ANK3: variants seen among roughly 807,000 people sequenced by gnomAD.
ANK3 encodes the protein ankyrin 3, also known as ankyrin-3.
In ANK3, 57 loss-of-function variants were observed where a neutral mutation model predicts 370.9. That is an observed-to-expected ratio of 0.15 (90% CI 0.12 to 0.19). ANK3 has a LOEUF of 0.19. Among genes scored for constraint, ANK3 ranks in the 10% least tolerant of loss-of-function variants. ANK3 has a pLI of 1.00. For missense variants in ANK3, 4,439 were observed against 5,302.1 expected, an observed-to-expected ratio of 0.84 and a Z score of 5.06; for synonymous variants, 1,929 against 1,946.3, an observed-to-expected ratio of 0.99 and a Z score of 0.23.
chr10:60,424,173 A>T (rs1473319998), intron 2 of ANK3, among the ~76,000 whole-genome samples: 1 of 151,966 alleles, frequency 6.6e-6, no homozygotes, highest in Non-Finnish European at 1.5e-5. Context: ...GTGACCACAC[A>T]TCCTGGTTTT....
At chr10:60,181,492 G>A (rs10994246) in intron 17 of ANK3, 65 bp from the exon 18 acceptor site, 99,772 of 1,435,114 alleles carry the variant, frequency 0.07, 4,977 homozygotes, top group East Asian at 0.23. Context: ...AGCCATGTTT[G>A]AGAAACCATT....
At chr10:60,147,564 G>C (rs1484668584) in intron 23 of ANK3, among the ~76,000 whole-genome samples, 1 of 152,144 alleles carries the variant, frequency 6.6e-6, no homozygotes, top group Non-Finnish European at 1.5e-5. Flanking sequence ...TTGGAGATGG[G>C]GCCTGGTGGG....
intron 2 of ANK3, among the ~76,000 whole-genome samples, chr10:60,446,114 G>A (rs894092420): frequency 8.5e-5 from 13 of 152,118 alleles, no homozygotes; most frequent in South Asian, 2.1e-4. Context: ...CGTTGATGCC[G>A]GGGTACTTTT....
chr10:60,562,679 G>GT (rs1477804216), intron 2 of ANK3, among the ~76,000 whole-genome samples: 1 of 152,106 alleles, frequency 6.6e-6, no homozygotes, highest in Non-Finnish European at 1.5e-5. Flanking sequence ...AGAGACAAAG[G>GT]TTGTAAAATC....
intron 2 of ANK3, among the ~76,000 whole-genome samples, chr10:60,494,721 T>C (rs1373974645): frequency 2.0e-5 from 3 of 152,216 alleles, no homozygotes; most frequent in African/African-American, 7.2e-5. Context: ...ATTCAAGACG[T>C]ATACACTTTA....
chr10:60,353,698 G>A (rs892788883), intron 1 of ANK3, among the ~76,000 whole-genome samples: 3 of 152,142 alleles, frequency 2.0e-5, no homozygotes, highest in African/African-American at 4.8e-5. Context: ...CTGGGGAAAG[G>A]GGAAACCAGG....
At chr10:60,382,996 T>C (rs1011182664) in intron 1 of ANK3, among the ~76,000 whole-genome samples, 15 of 152,184 alleles carry the variant, frequency 9.9e-5, no homozygotes, top group African/African-American at 3.1e-4. Context: ...TCAAAAGTGA[T>C]AATTTTTTTC....
At chr10:60,565,558 T>C (rs897818651) in intron 2 of ANK3, among the ~76,000 whole-genome samples, 1 of 152,208 alleles carries the variant, frequency 6.6e-6, no homozygotes. Flanking sequence ...TAAAATTTCT[T>C]GGGATGGTCC....
At chr10:60,576,012 T>C (rs956951110) in intron 2 of ANK3, among the ~76,000 whole-genome samples, 2 of 152,192 alleles carry the variant, frequency 1.3e-5, no homozygotes, top group Non-Finnish European at 2.9e-5. Flanking sequence ...TGATTACTTG[T>C]TTCAAAAATG....
chr10:60,465,748 A>G (rs2064995319), intron 2 of ANK3, among the ~76,000 whole-genome samples: 1 of 151,140 alleles, frequency 6.6e-6, no homozygotes. Context: ...GCAGTGTAAG[A>G]ATTCCTAATA....
At chr10:60,107,712 TAC>T (rs1421820922) in intron 27 of ANK3, among the ~76,000 whole-genome samples, 1 of 152,212 alleles carries the variant, frequency 6.6e-6, no homozygotes, top group Admixed American at 6.5e-5. Flanking sequence ...CATAAAAAAT[TAC>T]ACAGTACTCA....
At chr10:60,446,332 G>A (rs2064444222) in intron 2 of ANK3, among the ~76,000 whole-genome samples, 1 of 152,150 alleles carries the variant, frequency 6.6e-6, no homozygotes. Flanking sequence ...GGTCCATTAT[G>A]CCCTGCAAAT....
chr10:60,369,179 G>C (rs2059788058), intron 1 of ANK3, among the ~76,000 whole-genome samples: 1 of 152,230 alleles, frequency 6.6e-6, no homozygotes, highest in East Asian at 1.9e-4. Context: ...ACATATAATT[G>C]TAAAGCAAAT....
At chr10:60,310,455 A>G (rs1195160643) in intron 1 of ANK3, among the ~76,000 whole-genome samples, 1 of 152,232 alleles carries the variant, frequency 6.6e-6, no homozygotes, top group Non-Finnish European at 1.5e-5. Context: ...TATTATATGA[A>G]TGAAAAGCAC....
chr10:60,609,457 C>T (rs1018528075), intron 2 of ANK3, among the ~76,000 whole-genome samples: 3 of 151,854 alleles, frequency 2.0e-5, no homozygotes, highest in Admixed American at 6.6e-5. Flanking sequence ...TCCCAGGGTG[C>T]GTTTAGATGT....
At chr10:60,235,806 G>A (rs1261711614) in intron 7 of ANK3, among the ~76,000 whole-genome samples, 1 of 152,138 alleles carries the variant, frequency 6.6e-6, no homozygotes. Context: ...TTTATAATTC[G>A]ATAACAGAAA....
chr10:60,342,247 T>TA (rs958227982), intron 1 of ANK3, among the ~76,000 whole-genome samples: 1 of 152,018 alleles, frequency 6.6e-6, no homozygotes, highest in Non-Finnish European at 1.5e-5. Flanking sequence ...CTTTCCAAAA[T>TA]AAAAAAAGTT....
intron 2 of ANK3, among the ~76,000 whole-genome samples, chr10:60,588,084 G>A (rs1368819324): frequency 6.6e-6 from 1 of 151,358 alleles, no homozygotes; most frequent in Non-Finnish European, 1.5e-5. Flanking sequence ...GTTTCTACAG[G>A]AAAGCACACA....
chr10:60,512,074 G>A (rs977247839), intron 2 of ANK3, among the ~76,000 whole-genome samples: 1 of 151,926 alleles, frequency 6.6e-6, no homozygotes, highest in African/African-American at 2.4e-5. Context: ...CACATCACAT[G>A]TTTCCAGGAA....
Sources: gnomAD v4.1 joint callset for allele counts (sites outside exome capture counted in the v4.1 genomes callset) on GRCh38, gnomAD v4.1.1 for gene constraint, MANE v1.5 for transcripts, NCBI Gene and HGNC (gene_info 2026-07-23, HGNC 2026-07-21) for gene names.